The following TOP1MT variants were observed in gnomAD, a reference collection of about 807,000 sequenced individuals.
The protein encoded by TOP1MT is DNA topoisomerase I mitochondrial.
A neutral mutation model predicts 73.9 loss-of-function variants in TOP1MT; 80 were observed. The ratio of observed to expected loss-of-function variants is 1.08; its 90% CI spans 0.90 to 1.30. The LOEUF (loss-of-function observed/expected upper bound fraction) is 1.30. Ranked by LOEUF, TOP1MT falls within the 50% of genes most tolerant of loss-of-function variation. The pLI, the probability that TOP1MT is intolerant of heterozygous loss-of-function variation, is 0.00. For missense variants in TOP1MT, 815 were observed against 808.0 expected, an observed-to-expected ratio of 1.01 and a Z score of -0.10; for synonymous variants, 338 against 326.4, an observed-to-expected ratio of 1.04 and a Z score of -0.38.
chr8:143,310,234 A>C lies in TOP1MT; in HGVS notation c.1554-17T>G. 1 of 1,499,716 alleles carries C rather than the reference A, an allele frequency of 6.7e-7. No individual in the cohort carries two copies. Among genetic ancestry groups the C allele is most frequent in the Non-Finnish European group, 8.9e-7 (1 of 1,127,582 alleles). The allele number at this position is 1,499,716 out of a possible 1,614,324, so 92.9% of individuals were successfully genotyped here. ...TCCAGGACACTGGCAAGAGAAGAGGAGGCCGCGAGGCCCCGCGCTGGACTA... is the reference window on the plus strand; with the variant it reads ...TCCAGGACACTGGCAAGAGAAGAGGCGGCCGCGAGGCCCCGCGCTGGACTA... On this transcript the variant is annotated splice_polypyrimidine_tract_variant and intron_variant, in intron 12 of 13. Coordinates refer to ENST00000329245, the MANE Select transcript of TOP1MT (RefSeq NM_052963.3).
At chr8:143,327,307 G>A (rs538415164) in intron 3 of TOP1MT, 1 of 152,636 alleles carries the variant, frequency 6.6e-6, no homozygotes, top group South Asian at 2.0e-4. Context: ...ACTGACCTGA[G>A]GGAGAGCCGC....
At position 143,317,787 on chromosome 8, in the gene TOP1MT, G is replaced by T. The variant is rs1816213890; in HGVS notation, c.1266C>A (p.Ala422=). Residue 422 remains alanine (A), a synonymous_variant, in exon 10 of 14, where the codon GCC becomes GCA. Coordinates refer to ENST00000329245, the MANE Select transcript of TOP1MT (RefSeq NM_052963.3). ...AGGCGTTGTAGGTCCGGAACACCTTGGCCGTCAGCCCGTCCATCAGCTCCT... is the reference window on the plus strand; with the variant it reads ...AGGCGTTGTAGGTCCGGAACACCTTTGCCGTCAGCCCGTCCATCAGCTCCT... ...HLQELMDGLT[A]KVFRTYNASI... 3 of 1,614,196 alleles carry T rather than the reference G, an allele frequency of 1.9e-6. No individual in the cohort carries two copies. The highest frequency in any genetic ancestry group is 2.5e-6 in the Non-Finnish European group (3 of 1,180,042).
At chr8:143,320,768 G>A (rs1003522825) in intron 8 of TOP1MT, among the ~76,000 whole-genome samples, 6 of 152,212 alleles carry the variant, frequency 3.9e-5, no homozygotes, top group Admixed American at 6.5e-5. Context: ...CGCAGGATCC[G>A]TGGCCCCACC....
At chr8:143,315,684 G>A (rs774512346) in intron 12 of TOP1MT, 43 bp downstream of exon 12, 3 of 1,550,936 alleles carry the variant, frequency 1.9e-6, no homozygotes, top group Non-Finnish European at 1.8e-6. Flanking sequence ...TACGGGTTGG[G>A]ACAGGGCCCC....
chr8:143,334,487 AAG>A (rs1459450348), intron 1 of TOP1MT, among the ~76,000 whole-genome samples: 1 of 152,220 alleles, frequency 6.6e-6, no homozygotes, highest in Non-Finnish European at 1.5e-5. Flanking sequence ...AGCGGAAAAA[AAG>A]AGGGGAGATT....
chr8:143,321,793 ACGCCACACACG>A (rs1816398147), intron 7 of TOP1MT, among the ~76,000 whole-genome samples: 1 of 73,368 alleles, frequency 1.4e-5, no homozygotes, highest in Non-Finnish European at 2.6e-5. Flanking sequence ...CCACACACGC[ACGCCACACACG>A]CACGCTACAC....
Position 143,329,339 on chromosome 8 carries a change from A to T in TOP1MT, c.360+11T>A, listed in dbSNP as rs748450365. 1 of 1,595,532 alleles carries T rather than the reference A, an allele frequency of 6.3e-7. No individual in the cohort carries two copies. Among genetic ancestry groups the T allele is most frequent in the Admixed American group, 1.8e-5 (1 of 55,080 alleles). On this transcript the variant is annotated intron_variant, in intron 3 of 13. Coordinates refer to ENST00000329245, the MANE Select transcript of TOP1MT (RefSeq NM_052963.3). ...TCCAGGACAGCTGTGGCGGCCGCCC[A>T]GGGTACCTACCTTTCGCCAGTCATT...
upstream of TOP1MT, among the ~76,000 whole-genome samples, chr8:143,337,795 AC>A (rs1817007102): frequency 6.6e-6 from 1 of 152,182 alleles, no homozygotes; most frequent in Non-Finnish European, 1.5e-5. Context: ...CAATAGTCAA[AC>A]AGCCCGGCGC....
At chr8:143,354,857 G>A (rs986811960) in intron 1 of TOP1MT, among the ~76,000 whole-genome samples, 1 of 151,600 alleles carries the variant, frequency 6.6e-6, no homozygotes, top group Admixed American at 6.6e-5. Context: ...CCACACTTAA[G>A]GACAGGAAAA....
At chr8:143,314,015 C>T (rs1021709318) in intron 12 of TOP1MT, among the ~76,000 whole-genome samples, 1 of 152,162 alleles carries the variant, frequency 6.6e-6, no homozygotes, top group Non-Finnish European at 1.5e-5. Context: ...GGGCAACAAG[C>T]ACCTGCAAAG....
chr8:143,324,739 T>A (rs571498889), intron 5 of TOP1MT, 110 bp from the exon 6 acceptor site: 1 of 1,387,724 alleles, frequency 7.2e-7, no homozygotes, highest in African/African-American at 1.4e-5. Flanking sequence ...GGTGGTGGCA[T>A]GGCTCCTGAC....
intron 7 of TOP1MT, among the ~76,000 whole-genome samples, chr8:143,323,107 G>A (rs1305153901): frequency 3.4e-5 from 4 of 116,328 alleles, no homozygotes; most frequent in Non-Finnish European, 5.0e-5. Context: ...AAACACGCAC[G>A]CCACACATGC....
At chr8:143,332,306 G>C (rs965968380) in intron 1 of TOP1MT, among the ~76,000 whole-genome samples, 2 of 152,170 alleles carry the variant, frequency 1.3e-5, no homozygotes, top group South Asian at 2.1e-4. Flanking sequence ...GGGCAGGCTC[G>C]GTCAGCAGGG....
intron 7 of TOP1MT, among the ~76,000 whole-genome samples, chr8:143,322,693 C>CACGCCA (rs1433541316): frequency 9.9e-5 from 4 of 40,400 alleles, no homozygotes; most frequent in African/African-American, 7.6e-4. Flanking sequence ...CACACGCACG[C>CACGCCA]CACACGCACG....
intron 12 of TOP1MT, among the ~76,000 whole-genome samples, chr8:143,311,838 A>C (rs182095910): frequency 7.2e-5 from 11 of 152,328 alleles, no homozygotes; most frequent in Admixed American, 4.6e-4. Flanking sequence ...TAATATGGGA[A>C]TACTATGAAT....
chr8:143,325,684 A>G, intron 4 of TOP1MT, 151 bp from the exon 5 acceptor site: 3 of 742,126 alleles, frequency 4.0e-6, no homozygotes, highest in Non-Finnish European at 6.5e-6. Context: ...TTGCAGGGGC[A>G]GGGGACAGTG....
At chr8:143,326,468 G>T in intron 3 of TOP1MT, 124 bp from the exon 4 acceptor site, 1 of 1,300,586 alleles carries the variant, frequency 7.7e-7, no homozygotes, top group Non-Finnish European at 1.1e-6. Context: ...TGTGCAATAG[G>T]CAGAACCTGC....
chr8:143,342,070 GCT>G lies in TOP1MT; in HGVS notation c.29+1148_29+1149del, dbSNP rs751011970. Among the ~76,000 whole-genome samples the G allele has an allele frequency of 4.1e-4, 51 of 124,554 alleles. 1 individual carries two copies. Among genetic ancestry groups the G allele is most frequent in the Admixed American group, 1.4e-3 (19 of 13,662 alleles). The allele number at this position is 124,554 out of a possible 152,430, so 81.7% of individuals were successfully genotyped here. A position where few individuals can be genotyped will look rare whatever the true frequency, so the allele number is the denominator to read the frequency against. On this transcript the variant is annotated intron_variant, in intron 2 of 5. Coordinates refer to the TOP1MT transcript ENST00000518007. ...TTATTATTATTAGAGACAGAGTCTCGCTCTGTTATTATTATTATTAGAGTCTC... is the reference window on the plus strand; with the variant it reads ...TTATTATTATTAGAGACAGAGTCTCGCTGTTATTATTATTATTAGAGTCTC...
intron 1 of TOP1MT, 105 bp downstream of exon 1, chr8:143,334,635 C>G (rs1816942343): frequency 1.3e-6 from 2 of 1,495,620 alleles, no homozygotes; most frequent in Admixed American, 2.0e-5. Context: ...TTGGGAAAAC[C>G]GGAAGCAGGG....
Sources: allele counts gnomAD v4.1 joint callset (sites outside exome capture counted in the v4.1 genomes callset), GRCh38; gene constraint gnomAD v4.1.1; transcripts MANE v1.5; gene names NCBI Gene and HGNC (gene_info 2026-07-23, HGNC 2026-07-21).